YJU2: variants seen among roughly 807,000 people sequenced by gnomAD.
The protein encoded by YJU2 is YJU2 splicing factor homolog, also known as splicing factor YJU2.
Under a neutral mutation model 39.6 loss-of-function variants are expected in YJU2, and 28 were observed. That is an observed-to-expected ratio of 0.71 (90% CI 0.52 to 0.97). The LOEUF is 0.97. YJU2 is among the 50% of genes least tolerant of loss of function. YJU2 has a pLI of 0.00. For missense variants in YJU2, 328 were observed against 430.4 expected (o/e 0.76, Z 2.11); for synonymous variants, 184 against 182.4 (o/e 1.01, Z -0.07).
intron 4 of YJU2, 45 bp downstream of exon 4, chr19:4,254,534 GGTGTGT>G (rs748084575): frequency 6.6e-7 from 1 of 1,503,944 alleles, no homozygotes; most frequent in Non-Finnish European, 8.9e-7. Flanking sequence ...TGTGTGTGTG[GGTGTGT>G]GTGTGTGCCA....
chr19:4,249,724 T>C (rs1568360225), intron 2 of YJU2, among the ~76,000 whole-genome samples: 1 of 151,618 alleles, frequency 6.6e-6, no homozygotes, highest in East Asian at 1.9e-4. Flanking sequence ...TTTTTTTTGT[T>C]GAGACAGAGT....
At chr19:4,267,304 T>C (rs974636044) in intron 6 of YJU2, among the ~76,000 whole-genome samples, 10 of 151,216 alleles carry the variant, frequency 6.6e-5, no homozygotes, top group African/African-American at 1.2e-4. Context: ...GAAGGGTGAG[T>C]AGGAGTTCAC....
At chr19:4,267,394 G>T (rs993132141) in intron 6 of YJU2, among the ~76,000 whole-genome samples, 1 of 152,246 alleles carries the variant, frequency 6.6e-6, no homozygotes, top group Non-Finnish European at 1.5e-5. Context: ...AAGCCATGGT[G>T]TGACTCAGGA....
At chr19:4,248,801 C>T (rs1298572663) in intron 1 of YJU2, among the ~76,000 whole-genome samples, 1 of 151,994 alleles carries the variant, frequency 6.6e-6, no homozygotes, top group Non-Finnish European at 1.5e-5. Context: ...CGCCTGTAAT[C>T]CCAGCTACTG....
In YJU2 at chr19:4,268,663, C is replaced by T. The variant is rs747804115; in HGVS notation, c.939C>T (p.Tyr313=). 3.1e-6 allele frequency: 5 copies of T among 1,613,902 alleles called. No individual in the cohort carries two copies. The highest frequency in any genetic ancestry group is 2.2e-5 in the East Asian group (1 of 44,870). ...GASSLSQLGA[Y]LDSDDSNGSN ...CCTCCCTGAGCCAACTGGGTGCATA[C>T]CTGGACAGTGACGACAGCAACGGCA... Residue 313 remains tyrosine (Y), a synonymous_variant, in exon 8 of 8, where the codon TAC becomes TAT. Transcript: ENST00000262962.
At chr19:4,260,608 G>A (rs1971063228) in intron 5 of YJU2, among the ~76,000 whole-genome samples, 1 of 152,120 alleles carries the variant, frequency 6.6e-6, no homozygotes, top group African/African-American at 2.4e-5. Context: ...ATGGTGGTAT[G>A]TGCCTGTAGT....
chr19:4,268,188 A>G (rs539583160), intron 7 of YJU2, among the ~76,000 whole-genome samples: 34 of 151,544 alleles, frequency 2.2e-4, no homozygotes, highest in African/African-American at 8.0e-4. Context: ...CAGGTGATCC[A>G]CTCACCTCGG....
At chr19:4,266,154 C>T (rs939615779) in intron 6 of YJU2, among the ~76,000 whole-genome samples, 3 of 151,888 alleles carry the variant, frequency 2.0e-5, no homozygotes, top group African/African-American at 7.3e-5. Flanking sequence ...GGGCTTTCAC[C>T]GTGTTAGCCA....
In YJU2 at chr19:4,251,238, G is replaced by A. The variant is rs549016504; in HGVS notation, c.270+67G>A. On this transcript the variant is annotated intron_variant, in intron 3 of 7. Transcript: ENST00000262962. ...ACACCTCAGATCAGGGCGGGCCCTG[G>A]GGTTCCTTAACTCCAATCCTCTCCA... 325 of 1,503,660 alleles carry A rather than the reference G, an allele frequency of 2.2e-4. 1 individual carries two copies. The South Asian group carries it at 3.5e-3, about 16-fold the overall frequency. The allele number at this position is 1,503,660 out of a possible 1,614,324, so 93.1% of individuals were successfully genotyped here.
intron 7 of YJU2, 49 bp downstream of exon 7, chr19:4,267,823 G>C (rs1004114826): frequency 9.8e-6 from 15 of 1,536,254 alleles, no homozygotes; most frequent in Non-Finnish European, 1.2e-5. Context: ...ATAGTGGCCT[G>C]TAGGTGGCAG....
chr19:4,255,727 CAAA>C lies in YJU2; in HGVS notation c.405+1258_405+1260del, dbSNP rs58736061. ...TGGGTGACAGAGCAAGATTCTGTGT[CAAA>C]AAAAAAAAAAAAAAAAAAATCAGCC... On this transcript the variant is annotated intron_variant, in intron 4 of 7. Transcript: ENST00000262962. Among the ~76,000 whole-genome samples, 928 of 103,718 alleles carry C rather than the reference CAAA, an allele frequency of 8.9e-3. 6 individuals are homozygous for C. The highest frequency in any genetic ancestry group is 0.027 in the African/African-American group (881 of 32,864). The allele number at this position is 103,718 out of a possible 152,430, so 68.0% of individuals were successfully genotyped here. A position where few individuals can be genotyped will look rare whatever the true frequency, so the allele number is the denominator to read the frequency against.
chr19:4,264,261 CAAAAAAAAAAAA>C (rs748910280), intron 6 of YJU2, among the ~76,000 whole-genome samples: 2 of 43,940 alleles, frequency 4.6e-5, no homozygotes, highest in African/African-American at 1.5e-4. Context: ...GACTCTGTCT[CAAAAAAAAAAAA>C]AAAAAAAAAA....
rs138593115 is a variant in YJU2 at position 4,257,164 on chromosome 19, G to A, written c.406-1078G>A. The stretch of plus-strand genomic sequence containing the variant: ...TCAGGGACCCGTGGCCACCAGACTC[G>A]CCTCCCTCAGCCTCAGTTTCCGTTT... On this transcript the variant is annotated intron_variant, in intron 4 of 7. Coordinates refer to ENST00000262962, the MANE Select transcript of YJU2 (RefSeq NM_018074.6). Among the ~76,000 whole-genome samples, 27 of 152,182 alleles carry A rather than the reference G, an allele frequency of 1.8e-4. No individual in the cohort carries two copies. The East Asian group carries it at 3.3e-3, about 19-fold the overall frequency.
chr19:4,256,926 T>C (rs1326159414), intron 4 of YJU2, among the ~76,000 whole-genome samples: 1 of 152,190 alleles, frequency 6.6e-6, no homozygotes, highest in African/African-American at 2.4e-5. Flanking sequence ...ATTTCTGTCA[T>C]ATTCCATTAG....
intron 1 of YJU2, among the ~76,000 whole-genome samples, chr19:4,248,915 G>A (rs987333703): frequency 1.9e-4 from 29 of 152,120 alleles, no homozygotes; most frequent in Non-Finnish European, 1.5e-4. Flanking sequence ...GCAAAACTCC[G>A]TCTCAGAACA....
At chr19:4,261,909 C>G in intron 5 of YJU2, 85 bp from the exon 6 acceptor site, 1 of 1,473,356 alleles carries the variant, frequency 6.8e-7, no homozygotes, top group Non-Finnish European at 9.2e-7. Flanking sequence ...TCCAGGCACC[C>G]AGGCCCCTCG....
chr19:4,257,188 TTCTGTAAAA>T (rs1278346156), intron 4 of YJU2, among the ~76,000 whole-genome samples: 1 of 152,094 alleles, frequency 6.6e-6, no homozygotes, highest in Non-Finnish European at 1.5e-5. Context: ...CAGTTTCCGT[TTCTGTAAAA>T]TGGGGGTTGT....
At position 4,249,158 on chromosome 19, in the gene YJU2, C is replaced by G. The variant is rs967259345; in HGVS notation, c.25-70C>G. On this transcript the variant is annotated intron_variant, in intron 1 of 7. Transcript: ENST00000262962. The stretch of plus-strand genomic sequence containing the variant: ...ACCCCCGACACAGCTCCCCAGAGCC[C>G]CTTCCCTCTGCCATGTCCTGCCCCT... 3.7e-6 allele frequency: 4 copies of G among 1,073,042 alleles called. No individual in the cohort carries two copies. The Admixed American group carries it at 6.3e-5, about 17-fold the overall frequency. 66.5% of individuals were successfully genotyped at this position (1,073,042 alleles called of 1,614,324 possible).
In YJU2 at chr19:4,254,874, G is replaced by C. The variant is rs1403378140; in HGVS notation, c.405+385G>C. On this transcript the variant is annotated intron_variant, in intron 4 of 7. Coordinates refer to ENST00000262962, the MANE Select transcript of YJU2 (RefSeq NM_018074.6). Reference sequence around the variant, plus strand: ...AGTTTGAGACCAGCCTGACCAACATGGTGAAACCCCGTCTCTACTAAAAAT... The same window carrying C: ...AGTTTGAGACCAGCCTGACCAACATCGTGAAACCCCGTCTCTACTAAAAAT... Among the ~76,000 whole-genome samples the C allele has an allele frequency of 5.3e-5, 8 of 152,084 alleles. No individual in the cohort carries two copies. In the East Asian group the frequency reaches 1.5e-3, roughly 29 times the overall value.
Sources: allele counts gnomAD v4.1 joint callset (sites outside exome capture counted in the v4.1 genomes callset), GRCh38; gene constraint gnomAD v4.1.1; transcripts MANE v1.5; gene names NCBI Gene and HGNC (gene_info 2026-07-23, HGNC 2026-07-21).